Variants in ADAMTSL1 observed in about 807,000 individuals in gnomAD.
ADAMTSL1 encodes the protein ADAMTS like 1.
A neutral mutation model predicts 201.8 loss-of-function variants in ADAMTSL1; 126 were observed. That is an observed-to-expected ratio of 0.62 (90% CI 0.54 to 0.72). The LOEUF (loss-of-function observed/expected upper bound fraction) is 0.72, where lower values mean the gene tolerates loss of function less well. ADAMTSL1 is among the 30% of genes least tolerant of loss of function. The pLI is 0.00. For synonymous variants in ADAMTSL1, 1,121 were observed against 903.4 expected (o/e 1.24, Z -4.32); for missense variants, 2,679 against 2,277.8 (o/e 1.18, Z -3.59).
intron 4 of ADAMTSL1, among the ~76,000 whole-genome samples, chr9:18,612,406 T>C (rs1825437065): frequency 6.6e-6 from 1 of 152,220 alleles, no homozygotes; most frequent in South Asian, 2.1e-4. Context: ...CTGTCACTTG[T>C]GGTGTTGCCT....
At chr9:18,602,840 C>T (rs1219377682) in intron 4 of ADAMTSL1, among the ~76,000 whole-genome samples, 1 of 152,150 alleles carries the variant, frequency 6.6e-6, no homozygotes, top group Non-Finnish European at 1.5e-5. Context: ...GTAGGTCGGA[C>T]AATGAGAACT....
chr9:18,901,047 T>C (rs1259998238), intron 26 of ADAMTSL1, among the ~76,000 whole-genome samples: 1 of 152,102 alleles, frequency 6.6e-6, no homozygotes, highest in East Asian at 1.9e-4. Context: ...CCTTCCTCTA[T>C]GATTGTAAGC....
rs115779393 is a variant in ADAMTSL1 at position 18,587,356 on chromosome 9, C to A, written c.474+13090C>A. ...GCAGCCAACAAGCATATAAAAAAAG[C>A]TCAATATCATTGATCATTAGAGAAA... On this transcript the variant is annotated intron_variant, in intron 4 of 28. Transcript: ENST00000380548. Among the ~76,000 whole-genome samples the A allele has an allele frequency of 9.5e-3, 1,439 of 152,146 alleles. 27 individuals are homozygous for A. The highest frequency in any genetic ancestry group is 0.033 in the African/African-American group (1,365 of 41,516).
chr9:18,018,462 T>C (rs1216134511), intron 1 of ADAMTSL1, among the ~76,000 whole-genome samples: 3 of 152,080 alleles, frequency 2.0e-5, no homozygotes, highest in Non-Finnish European at 4.4e-5. Flanking sequence ...GACTATGGCA[T>C]GGAATGTAGA....
intron 1 of ADAMTSL1, among the ~76,000 whole-genome samples, chr9:18,485,715 A>G (rs1415071435): frequency 1.3e-5 from 2 of 152,210 alleles, no homozygotes; most frequent in Non-Finnish European, 1.5e-5. Context: ...AAGGGAAGGT[A>G]AGTTCAAGGA....
chr9:18,176,696 T>C (rs1249166277), intron 2 of ADAMTSL1, among the ~76,000 whole-genome samples: 1 of 152,168 alleles, frequency 6.6e-6, no homozygotes, highest in Non-Finnish European at 1.5e-5. Flanking sequence ...CTCAGCACCA[T>C]AGTATAGGTA....
chr9:18,082,398 G>A (rs1047253095), intron 1 of ADAMTSL1, among the ~76,000 whole-genome samples: 5 of 152,088 alleles, frequency 3.3e-5, no homozygotes, highest in East Asian at 3.9e-4. Context: ...CGCAACCTCC[G>A]CCTCCTGGAT....
At chr9:18,314,642 G>C (rs572919724) in intron 2 of ADAMTSL1, among the ~76,000 whole-genome samples, 2 of 151,918 alleles carry the variant, frequency 1.3e-5, no homozygotes, top group Admixed American at 6.5e-5. Flanking sequence ...AGACCTTTGC[G>C]GTGAGTGTTA....
chr9:18,209,849 G>A (rs1563809586), intron 2 of ADAMTSL1, among the ~76,000 whole-genome samples: 1 of 152,022 alleles, frequency 6.6e-6, no homozygotes, highest in Non-Finnish European at 1.5e-5. Context: ...ATACCAGCTT[G>A]CCTGTAGACA....
At chr9:18,691,790 T>G (rs2133245543) in intron 13 of ADAMTSL1, among the ~76,000 whole-genome samples, 1 of 152,298 alleles carries the variant, frequency 6.6e-6, no homozygotes, top group South Asian at 2.1e-4. Flanking sequence ...ACCTGTGAAG[T>G]GAGGTAATCA....
intron 14 of ADAMTSL1, chr9:18,718,105 A>T: frequency 7.9e-7 from 1 of 1,272,886 alleles, no homozygotes; most frequent in Non-Finnish European, 1.2e-6. Flanking sequence ...CTAAGAATGC[A>T]CAGTTGTTCC....
intron 23 of ADAMTSL1, among the ~76,000 whole-genome samples, chr9:18,875,841 A>T (rs1482268077): frequency 6.6e-6 from 1 of 152,154 alleles, no homozygotes; most frequent in East Asian, 1.9e-4. Context: ...CTTTCAGTGG[A>T]TTATTGAAGT....
At chr9:18,095,485 C>T (rs757294279) in intron 1 of ADAMTSL1, among the ~76,000 whole-genome samples, 10 of 141,258 alleles carry the variant, frequency 7.1e-5, no homozygotes, top group South Asian at 2.3e-4. Flanking sequence ...TGCAGTGGCA[C>T]GATTTTGGCT....
intron 2 of ADAMTSL1, among the ~76,000 whole-genome samples, chr9:18,426,025 A>T (rs1383933777): frequency 6.6e-6 from 1 of 152,202 alleles, no homozygotes; most frequent in Non-Finnish European, 1.5e-5. Context: ...TGGGATGCTT[A>T]TATTTTCCCC....
chr9:18,817,707 T>C (rs1042518073), intron 21 of ADAMTSL1, among the ~76,000 whole-genome samples: 7 of 152,116 alleles, frequency 4.6e-5, no homozygotes, highest in African/African-American at 1.7e-4. Flanking sequence ...AGAAAATGGA[T>C]TGAGAAGGGA....
chr9:18,179,828 G>C (rs1457262608), intron 2 of ADAMTSL1, among the ~76,000 whole-genome samples: 3 of 151,760 alleles, frequency 2.0e-5, no homozygotes, highest in Non-Finnish European at 2.9e-5. Flanking sequence ...CAAATGCTGA[G>C]AGATTTTGTC....
intron 2 of ADAMTSL1, among the ~76,000 whole-genome samples, chr9:18,394,329 T>C (rs1005641665): frequency 6.6e-6 from 1 of 152,210 alleles, no homozygotes; most frequent in Non-Finnish European, 1.5e-5. Flanking sequence ...CTAATTCCAA[T>C]AACAGAATCT....
intron 2 of ADAMTSL1, among the ~76,000 whole-genome samples, chr9:18,513,546 T>C (rs144930219): frequency 7.8e-4 from 119 of 152,314 alleles, no homozygotes; most frequent in Middle Eastern, 3.4e-3. Flanking sequence ...GCTTTTGGTG[T>C]TATAGCTGAG....
At chr9:18,215,444 G>C (rs1830024723) in intron 2 of ADAMTSL1, among the ~76,000 whole-genome samples, 1 of 152,082 alleles carries the variant, frequency 6.6e-6, no homozygotes, top group South Asian at 2.1e-4. Flanking sequence ...ACATATTTAT[G>C]AGTTATATAT....
Sources: allele counts gnomAD v4.1 joint callset (sites outside exome capture counted in the v4.1 genomes callset), GRCh38; gene constraint gnomAD v4.1.1; transcripts MANE v1.5; gene names NCBI Gene and HGNC (gene_info 2026-07-23, HGNC 2026-07-21).